GNB4: variants seen among roughly 807,000 people sequenced by gnomAD.
GNB4 encodes guanine nucleotide-binding protein subunit beta-4.
Under a neutral mutation model 45.2 loss-of-function variants are expected in GNB4, and 28 were observed. That is an observed-to-expected ratio of 0.62 (90% CI 0.46 to 0.85). The LOEUF (loss-of-function observed/expected upper bound fraction) is 0.85, where lower values mean the gene tolerates loss of function less well. GNB4 is among the 40% of genes least tolerant of loss of function. The pLI, the probability that GNB4 is intolerant of heterozygous loss-of-function variation, is 0.00. For missense variants in GNB4, 321 were observed against 425.4 expected (o/e 0.75, Z 2.16); for synonymous variants, 132 against 143.7 (o/e 0.92, Z 0.58).
At chr3:179,411,327 A>C (rs916691220) in intron 8 of GNB4, among the ~76,000 whole-genome samples, 13 of 152,128 alleles carry the variant, frequency 8.5e-5, no homozygotes, top group Admixed American at 6.5e-4. Context: ...ATATTATAAA[A>C]ATATAATGAA....
intron 1 of GNB4, among the ~76,000 whole-genome samples, chr3:179,442,217 T>C (rs1346097869): frequency 2.0e-5 from 3 of 152,202 alleles, no homozygotes; most frequent in Non-Finnish European, 4.4e-5. Flanking sequence ...TTTATGAGAA[T>C]GTGGCTGAAC....
chr3:179,504,258 T>C, the GNB4 span, among the ~76,000 whole-genome samples: 1 of 152,144 alleles, frequency 6.6e-6, no homozygotes, highest in Admixed American at 6.5e-5. Flanking sequence ...CCTTCTCCCA[T>C]CTCTCCCACA....
intron 1 of GNB4, among the ~76,000 whole-genome samples, chr3:179,445,227 CTAAAAG>C (rs1360663993): frequency 5.9e-5 from 9 of 152,106 alleles, no homozygotes; most frequent in African/African-American, 2.2e-4. Context: ...TCATGACAAG[CTAAAAG>C]TAAGAGAGTA....
the GNB4 span, among the ~76,000 whole-genome samples, chr3:179,481,669 A>G: frequency 8.8e-3 from 1,346 of 152,258 alleles, 33 homozygotes; most frequent in African/African-American, 0.031. Context: ...TTAGATGAAA[A>G]TCATAAAATA....
chr3:179,519,319 T>C, the GNB4 span, among the ~76,000 whole-genome samples: 1 of 152,196 alleles, frequency 6.6e-6, no homozygotes, highest in East Asian at 1.9e-4. Context: ...ATCTTCTTGG[T>C]TTAGCGGCTG....
chr3:179,472,095 T>C, the GNB4 span, among the ~76,000 whole-genome samples: 3 of 152,148 alleles, frequency 2.0e-5, no homozygotes, highest in Admixed American at 2.0e-4. Context: ...AAAAACTCAC[T>C]AAACGTAAAG....
chr3:179,506,930 T>C, the GNB4 span, among the ~76,000 whole-genome samples: 4 of 152,216 alleles, frequency 2.6e-5, no homozygotes, highest in Admixed American at 2.0e-4. Context: ...ATTTGTTGAA[T>C]GAATGCTTCT....
intron 9 of GNB4, 28 bp downstream of exon 9, chr3:179,405,162 A>T: frequency 6.4e-7 from 1 of 1,563,848 alleles, no homozygotes; most frequent in Non-Finnish European, 8.8e-7. Context: ...CCTGAAAATC[A>T]GAACCTAATG....
the GNB4 span, among the ~76,000 whole-genome samples, chr3:179,470,520 A>AAT: frequency 2.7e-5 from 4 of 150,218 alleles, no homozygotes; most frequent in Non-Finnish European, 4.4e-5. Flanking sequence ...GAAAGAAAAA[A>AAT]ATATATATAT....
At chr3:179,426,069 G>C in intron 2 of GNB4, 75 bp downstream of exon 2, 3 of 1,153,948 alleles carry the variant, frequency 2.6e-6, no homozygotes, top group Non-Finnish European at 3.8e-6. Flanking sequence ...AATATAGACT[G>C]ATAAACTAAT....
the GNB4 span, among the ~76,000 whole-genome samples, chr3:179,472,373 T>A: frequency 1.2e-4 from 2 of 17,160 alleles, no homozygotes; most frequent in African/African-American, 5.9e-4. Context: ...TTTCTTTCTT[T>A]TTTTTTTTTT....
chr3:179,413,927 T>A, intron 6 of GNB4, 146 bp from the exon 7 acceptor site: 2 of 659,532 alleles, frequency 3.0e-6, no homozygotes, highest in South Asian at 3.9e-5. Flanking sequence ...TTTTAGTTAC[T>A]TCAAATCCTA....
intron 1 of GNB4, among the ~76,000 whole-genome samples, chr3:179,445,139 T>C (rs1371717024): frequency 6.6e-6 from 1 of 152,184 alleles, no homozygotes; most frequent in Non-Finnish European, 1.5e-5. Context: ...TATTCTCTCT[T>C]TCTTCAGCTA....
At chr3:179,437,237 GAATT>G (rs1351713680) in intron 1 of GNB4, among the ~76,000 whole-genome samples, 1 of 152,106 alleles carries the variant, frequency 6.6e-6, no homozygotes, top group East Asian at 1.9e-4. Context: ...ACAGAGTCAA[GAATT>G]AAAATTTCTG....
intron 1 of GNB4, among the ~76,000 whole-genome samples, chr3:179,437,079 G>A (rs534433214): frequency 6.6e-6 from 1 of 152,066 alleles, no homozygotes; most frequent in Non-Finnish European, 1.5e-5. Flanking sequence ...AGGGAAGACA[G>A]ACATAAAAAT....
intron 8 of GNB4, among the ~76,000 whole-genome samples, chr3:179,408,063 C>A (rs996466560): frequency 1.3e-5 from 2 of 152,036 alleles, no homozygotes; most frequent in African/African-American, 4.8e-5. Context: ...TTTAGCTATG[C>A]CCCAGAGCAA....
intron 2 of GNB4, among the ~76,000 whole-genome samples, chr3:179,423,760 G>A (rs1032153394): frequency 6.6e-6 from 1 of 150,430 alleles, no homozygotes; most frequent in African/African-American, 2.5e-5. Context: ...CAGCCTGGGC[G>A]ACTGAGACTC....
the GNB4 span, among the ~76,000 whole-genome samples, chr3:179,497,405 GA>G: frequency 1.3e-5 from 2 of 152,028 alleles, no homozygotes; most frequent in Non-Finnish European, 2.9e-5. Flanking sequence ...AATCATACAT[GA>G]AAACATAGAA....
chr3:179,476,189 A>G, the GNB4 span, among the ~76,000 whole-genome samples: 1 of 152,244 alleles, frequency 6.6e-6, no homozygotes, highest in East Asian at 1.9e-4. Context: ...GGCATAGAAT[A>G]GACGTTCCTT....
Sources: allele counts gnomAD v4.1 joint callset (sites outside exome capture counted in the v4.1 genomes callset), GRCh38; gene constraint gnomAD v4.1.1; transcripts MANE v1.5; gene names NCBI Gene and HGNC (gene_info 2026-07-23, HGNC 2026-07-21).